The following HHAT variants were observed in gnomAD, a reference collection of about 807,000 sequenced individuals.
The protein encoded by HHAT is protein-cysteine N-palmitoyltransferase HHAT.
Under a neutral mutation model 70.8 loss-of-function variants are expected in HHAT, and 47 were observed. The observed-to-expected ratio is 0.66, with a 90% confidence interval of 0.53 to 0.85. The LOEUF (loss-of-function observed/expected upper bound fraction) is 0.85. Among genes scored for constraint, HHAT ranks in the 40% least tolerant of loss-of-function variants. The pLI is 0.00. For synonymous variants in HHAT, 228 were observed against 247.6 expected (o/e 0.92, Z 0.74); for missense variants, 609 against 604.8 (o/e 1.01, Z -0.07).
At chr1:210,444,663 G>C (rs1485104085) in intron 7 of HHAT, among the ~76,000 whole-genome samples, 2 of 152,256 alleles carry the variant, frequency 1.3e-5, no homozygotes, top group East Asian at 1.9e-4. Flanking sequence ...TCTGATGGTA[G>C]TTTGTATTTC....
At chr1:210,673,249 G>C (rs960513986) in intron 11 of HHAT, among the ~76,000 whole-genome samples, 2 of 152,014 alleles carry the variant, frequency 1.3e-5, no homozygotes, top group African/African-American at 4.8e-5. Context: ...AACCTCTGGG[G>C]AGGCTGACCA....
At chr1:210,673,762 A>ATTTATTTATTAT (rs202105229) in intron 11 of HHAT, among the ~76,000 whole-genome samples, 30 of 92,120 alleles carry the variant, frequency 3.3e-4, no homozygotes, top group African/African-American at 7.3e-4. Flanking sequence ...TGGCTTATTT[A>ATTTATTTATTAT]TTATTTATTT....
chr1:210,577,349 T>G (rs1317220050), intron 9 of HHAT, among the ~76,000 whole-genome samples: 1 of 152,178 alleles, frequency 6.6e-6, no homozygotes, highest in African/African-American at 2.4e-5. Context: ...TGAAATAAAT[T>G]CATTCCGTAC....
chr1:210,392,701 G>A (rs2091534346), intron 4 of HHAT, among the ~76,000 whole-genome samples: 1 of 152,168 alleles, frequency 6.6e-6, no homozygotes, highest in African/African-American at 2.4e-5. Context: ...TTTACAAAGT[G>A]CTGGGATAAC....
chr1:210,334,199 G>A (rs923136938), intron 1 of HHAT, among the ~76,000 whole-genome samples: 1 of 16,508 alleles, frequency 6.1e-5, no homozygotes, highest in Non-Finnish European at 1.2e-4. Context: ...TTTTTTTTTT[G>A]AGAAAGGGTC....
chr1:210,397,694 G>A (rs1213112182), intron 4 of HHAT, among the ~76,000 whole-genome samples: 1 of 152,156 alleles, frequency 6.6e-6, no homozygotes, highest in African/African-American at 2.4e-5. Context: ...GAGATGGATG[G>A]GACAGGGCTA....
At chr1:210,601,937 CAGAG>C (rs147826172) in intron 10 of HHAT, among the ~76,000 whole-genome samples, 6,931 of 147,308 alleles carry the variant, frequency 0.047, 181 homozygotes, top group Middle Eastern at 0.066. Flanking sequence ...ATTTGAGACT[CAGAG>C]AGAGAGAGAG....
At chr1:210,618,109 A>G (rs144721945) in intron 10 of HHAT, among the ~76,000 whole-genome samples, 72 of 152,318 alleles carry the variant, frequency 4.7e-4, no homozygotes, top group African/African-American at 1.6e-3. Flanking sequence ...GAAACTGGTG[A>G]AACACAGACT....
chr1:210,563,964 T>C (rs2095646585), intron 9 of HHAT, among the ~76,000 whole-genome samples: 1 of 152,136 alleles, frequency 6.6e-6, no homozygotes, highest in South Asian at 2.1e-4. Flanking sequence ...TGTTTGTTTG[T>C]TTGTTTTGAG....
At chr1:210,663,274 C>CT (rs1334801533) in intron 11 of HHAT, among the ~76,000 whole-genome samples, 1 of 152,174 alleles carries the variant, frequency 6.6e-6, no homozygotes, top group Admixed American at 6.5e-5. Flanking sequence ...AAACACCATC[C>CT]TGAAGCTTCT....
chr1:210,607,596 C>T (rs541347616), intron 10 of HHAT, among the ~76,000 whole-genome samples: 2 of 152,278 alleles, frequency 1.3e-5, no homozygotes, highest in East Asian at 1.9e-4. Context: ...GCCCCCAGTA[C>T]CATGAGCAGC....
intron 10 of HHAT, among the ~76,000 whole-genome samples, chr1:210,591,773 T>G (rs1661762279): frequency 6.6e-6 from 1 of 152,170 alleles, no homozygotes; most frequent in African/African-American, 2.4e-5. Flanking sequence ...GATTTGAATT[T>G]TTCTGACTTT....
chr1:210,598,825 T>C (rs1573618273), intron 10 of HHAT, among the ~76,000 whole-genome samples: 1 of 152,158 alleles, frequency 6.6e-6, no homozygotes, highest in South Asian at 2.1e-4. Flanking sequence ...TAAAGGTGAG[T>C]TTTTATGTGT....
At chr1:210,418,735 G>A (rs1177298136) in intron 7 of HHAT, among the ~76,000 whole-genome samples, 1 of 152,012 alleles carries the variant, frequency 6.6e-6, no homozygotes, top group Non-Finnish European at 1.5e-5. Flanking sequence ...TGTGCATAAG[G>A]TATTAAAGAA....
intron 7 of HHAT, among the ~76,000 whole-genome samples, chr1:210,450,854 G>A (rs2093740088): frequency 6.6e-6 from 1 of 151,806 alleles, no homozygotes; most frequent in African/African-American, 2.4e-5. Context: ...TTAAAAGTGC[G>A]GGCAGATCAC....
chr1:210,361,286 T>C (rs1312034235), intron 2 of HHAT, among the ~76,000 whole-genome samples: 3 of 152,224 alleles, frequency 2.0e-5, no homozygotes, highest in Non-Finnish European at 4.4e-5. Context: ...TCCTTTGGAC[T>C]TGAGTCTGTG....
At chr1:210,481,328 C>CT (rs1229179353) in intron 8 of HHAT, among the ~76,000 whole-genome samples, 1 of 152,190 alleles carries the variant, frequency 6.6e-6, no homozygotes, top group Non-Finnish European at 1.5e-5. Flanking sequence ...AAGATGCCTT[C>CT]TTTACCATAT....
At chr1:210,340,254 A>AGGG (rs1463172518) in intron 1 of HHAT, among the ~76,000 whole-genome samples, 8 of 150,100 alleles carry the variant, frequency 5.3e-5, no homozygotes, top group Non-Finnish European at 1.2e-4. Flanking sequence ...AAAAAAAAAA[A>AGGG]AAAAAAAAAA....
intron 3 of HHAT, among the ~76,000 whole-genome samples, chr1:210,381,024 G>A (rs1463581590): frequency 6.6e-6 from 1 of 152,096 alleles, no homozygotes; most frequent in Non-Finnish European, 1.5e-5. Flanking sequence ...TATTACTTTG[G>A]TGCTGTGTAG....
Sources: allele counts gnomAD v4.1 joint callset (sites outside exome capture counted in the v4.1 genomes callset), GRCh38; gene constraint gnomAD v4.1.1; transcripts MANE v1.5; gene names NCBI Gene and HGNC (gene_info 2026-07-23, HGNC 2026-07-21).